The following MTUS2 variants were observed in gnomAD, a reference collection of about 807,000 sequenced individuals.
MTUS2 encodes microtubule-associated tumor suppressor candidate 2.
A neutral mutation model predicts 114.1 loss-of-function variants in MTUS2; 40 were observed. That is an observed-to-expected ratio of 0.35 (90% CI 0.27 to 0.46). The LOEUF (loss-of-function observed/expected upper bound fraction) is 0.46. Among genes scored for constraint, MTUS2 ranks in the 20% least tolerant of loss-of-function variants. The pLI, the probability that MTUS2 is intolerant of heterozygous loss-of-function variation, is 1.00. For missense variants in MTUS2, 1,679 were observed against 1,705.4 expected (o/e 0.98, Z 0.27); for synonymous variants, 688 against 672.0 (o/e 1.02, Z -0.37).
At chr13:29,306,129 A>G (rs1386809817) in intron 6 of MTUS2, among the ~76,000 whole-genome samples, 1 of 152,238 alleles carries the variant, frequency 6.6e-6, no homozygotes, top group East Asian at 1.9e-4. Context: ...GTATTGAAGG[A>G]ACATACCTCA....
chr13:29,011,426 C>G (rs988035251), intron 2 of MTUS2, among the ~76,000 whole-genome samples: 6 of 152,136 alleles, frequency 3.9e-5, no homozygotes, highest in African/African-American at 1.4e-4. Flanking sequence ...TTAAAAAATA[C>G]TCTTAAATTT....
At position 29,503,354 on chromosome 13, in the gene MTUS2, T is replaced by C; in HGVS notation, c.*148T>C. On this transcript the variant is annotated 3_prime_UTR_variant, in exon 16 of 16. Transcript: ENST00000612955. Reference sequence around the variant, plus strand: ...TAGGCGCGTCCTCCTCTGATCCCCGTGTAAGACTGCCCTGGTGTCGGCACT... The same window carrying C: ...TAGGCGCGTCCTCCTCTGATCCCCGCGTAAGACTGCCCTGGTGTCGGCACT... 2.5e-6 allele frequency: 2 copies of C among 800,798 alleles called. No individual in the cohort carries two copies. Among genetic ancestry groups the C allele is most frequent in the Non-Finnish European group, 2.0e-6 (1 of 505,358 alleles). The allele number at this position is 800,798 out of a possible 1,614,324, so 49.6% of individuals were successfully genotyped here. A position where few individuals can be genotyped will look rare whatever the true frequency, so the allele number is the denominator to read the frequency against.
At chr13:29,308,644 A>G (rs1008358617) in intron 6 of MTUS2, among the ~76,000 whole-genome samples, 1 of 152,226 alleles carries the variant, frequency 6.6e-6, no homozygotes, top group Non-Finnish European at 1.5e-5. Flanking sequence ...AATTTTTGCA[A>G]TCTATCCATC....
intron 1 of MTUS2, among the ~76,000 whole-genome samples, chr13:28,829,083 A>G (rs984247444): frequency 2.6e-5 from 4 of 152,376 alleles, no homozygotes; most frequent in Admixed American, 2.0e-4. Context: ...CCATTTTAGA[A>G]TGGTGGAAAT....
At chr13:29,229,116 G>T (rs987788529) in intron 5 of MTUS2, among the ~76,000 whole-genome samples, 1 of 152,140 alleles carries the variant, frequency 6.6e-6, no homozygotes, top group African/African-American at 2.4e-5. Context: ...CCGAGACTTT[G>T]ATACCTTGAT....
intron 2 of MTUS2, among the ~76,000 whole-genome samples, chr13:28,896,184 C>T (rs1488069348): frequency 1.3e-5 from 2 of 152,072 alleles, no homozygotes; most frequent in East Asian, 3.9e-4. Context: ...AGTGGGATTC[C>T]AACAGCAGTG....
intron 5 of MTUS2, among the ~76,000 whole-genome samples, chr13:29,251,838 A>G (rs1466902188): frequency 1.3e-5 from 2 of 152,206 alleles, no homozygotes; most frequent in Non-Finnish European, 2.9e-5. Flanking sequence ...TTTATCTGTC[A>G]ATGGACATTT....
At chr13:29,329,922 C>T (rs1900697780) in intron 7 of MTUS2, among the ~76,000 whole-genome samples, 1 of 152,082 alleles carries the variant, frequency 6.6e-6, no homozygotes, top group African/African-American at 2.4e-5. Context: ...CTGCATGTGT[C>T]TTTATAATAG....
rs1896114972 is a variant in MTUS2, at chr13:29,226,573, A to G, written c.2645-55131A>G. ...GTTTTGATATTTTAAAATTTTAAAT[A>G]TTAGATAAATATTAATTTTTTTCTC... On this transcript the variant is annotated intron_variant, in intron 5 of 15. Transcript: ENST00000612955. Among the ~76,000 whole-genome samples, 3 of 152,180 alleles carry G rather than the reference A, an allele frequency of 2.0e-5. No homozygotes were observed. The South Asian group carries it at 6.2e-4, about 31-fold the overall frequency.
chr13:29,360,696 C>CT (rs1041912820), intron 8 of MTUS2, among the ~76,000 whole-genome samples: 10 of 136,150 alleles, frequency 7.3e-5, no homozygotes, highest in Admixed American at 7.3e-5. Context: ...ACACCCCCCC[C>CT]CCCCCGTAAG....
intron 1 of MTUS2, among the ~76,000 whole-genome samples, chr13:28,831,458 T>C (rs140790297): frequency 3.3e-5 from 5 of 152,236 alleles, no homozygotes; most frequent in African/African-American, 9.6e-5. Flanking sequence ...GAATAAGATA[T>C]AACCTGAACA....
chr13:29,359,361 A>G lies in MTUS2; in HGVS notation c.3005A>G (p.Lys1002Arg). The part of the protein sequence containing the change: ...EAERQLVLRL[K>R]ERCEQQTRQL... ...GAGCGGCAGCTGGTGCTGCGGCTGAAGGAGCGGTGTGAGCAGCAGACCAGA... is the reference window on the plus strand; with the variant it reads ...GAGCGGCAGCTGGTGCTGCGGCTGAGGGAGCGGTGTGAGCAGCAGACCAGA... Residue 1002 changes from lysine (K) to arginine (R), a missense_variant, in exon 8 of 16, where the codon AAG becomes AGG. By Grantham distance (26) the Lys-to-Arg change is conservative. This residue lies in a region of MTUS2 where 822 missense variants were observed against 899.7 expected (regional missense o/e 0.91). Coordinates refer to ENST00000612955, the MANE Select transcript of MTUS2 (RefSeq NM_001033602.4). The G allele has an allele frequency of 6.2e-7, 1 of 1,612,894 alleles. No individual in the cohort carries two copies. Among genetic ancestry groups the G allele is most frequent in the Non-Finnish European group, 8.5e-7 (1 of 1,179,578 alleles).
Position 29,077,770 on chromosome 13 carries a change from A to G in MTUS2, c.2447-23003A>G, listed in dbSNP as rs137999029. 2.7e-3 allele frequency among the ~76,000 whole-genome samples: 416 copies of G among 152,200 alleles called. 2 individuals carry two copies. Among genetic ancestry groups the G allele is most frequent in the African/African-American group, 9.4e-3 (390 of 41,540 alleles). ...GGATTAATATACATTTACTTTCTTA[A>G]CTTCTTTACTGGTTGCCTGGAATGT... On this transcript the variant is annotated intron_variant, in intron 4 of 15. Coordinates refer to ENST00000612955, the MANE Select transcript of MTUS2 (RefSeq NM_001033602.4).
At chr13:29,199,435 T>A (rs540282583) in intron 5 of MTUS2, among the ~76,000 whole-genome samples, 6 of 152,286 alleles carry the variant, frequency 3.9e-5, no homozygotes, top group African/African-American at 1.4e-4. Context: ...TTTTCTGCAT[T>A]TATTGAGATA....
chr13:28,997,539 G>T (rs1191804222), intron 2 of MTUS2, among the ~76,000 whole-genome samples: 17 of 152,136 alleles, frequency 1.1e-4, no homozygotes, highest in African/African-American at 4.1e-4. Context: ...CTCTTTGTAG[G>T]TCTCTAAGGA....
chr13:29,027,017 A>G lies in MTUS2; in HGVS notation c.2205+114A>G, dbSNP rs1487922471. On this transcript the variant is annotated intron_variant, in intron 3 of 15. Transcript: ENST00000612955. ...CTCTTTAAGTGAATTACAGATTTTC[A>G]TGGATACACTTGTGAAGAAATGGAG... 2.5e-5 allele frequency: 28 copies of G among 1,114,802 alleles called. No individual in the cohort carries two copies. In the East Asian group the frequency reaches 5.3e-4, roughly 21 times the overall value. The allele number at this position is 1,114,802 out of a possible 1,614,324, so 69.1% of individuals were successfully genotyped here.
intron 5 of MTUS2, among the ~76,000 whole-genome samples, chr13:29,166,330 T>C (rs976351578): frequency 2.6e-5 from 4 of 152,022 alleles, no homozygotes; most frequent in African/African-American, 9.7e-5. Context: ...AAGGTTGGAG[T>C]AGAATTCCAG....
At chr13:29,487,830 C>T in intron 10 of MTUS2, 70 bp from the exon 11 acceptor site, 1 of 1,220,250 alleles carries the variant, frequency 8.2e-7, no homozygotes. Context: ...GGACCTTTTC[C>T]ACTCACGGAA....
At chr13:29,060,802 C>CTT (rs34983544) in intron 4 of MTUS2, among the ~76,000 whole-genome samples, 116,429 of 127,630 alleles carry the variant, frequency 0.91, 53,497 homozygotes, top group South Asian at 0.96. Context: ...GATTAGTTGA[C>CTT]TTTTTTTTTT....
Sources: allele counts gnomAD v4.1 joint callset (sites outside exome capture counted in the v4.1 genomes callset), GRCh38; gene constraint gnomAD v4.1.1; regional missense constraint gnomAD v4.1.1; transcripts MANE v1.5; gene names NCBI Gene and HGNC (gene_info 2026-07-23, HGNC 2026-07-21).